The following ANAPC7 variants were observed in gnomAD, a reference collection of about 807,000 sequenced individuals.
ANAPC7 encodes anaphase-promoting complex subunit 7.
Under a neutral mutation model 63.3 loss-of-function variants are expected in ANAPC7, and 25 were observed. The observed-to-expected ratio is 0.39, with a 90% CI of 0.29 to 0.55. ANAPC7 has a LOEUF of 0.55. Ranked by LOEUF, ANAPC7 falls within the 20% of genes least tolerant of loss-of-function variation. The pLI is 0.57. For synonymous variants in ANAPC7, 241 were observed against 251.7 expected (o/e 0.96, Z 0.40); for missense variants, 516 against 691.7 (o/e 0.75, Z 2.85).
chr12:110,392,898 C>A (rs906178665), intron 3 of ANAPC7, among the ~76,000 whole-genome samples: 3 of 152,102 alleles, frequency 2.0e-5, no homozygotes, highest in Admixed American at 6.6e-5. Flanking sequence ...TGGGTTCAAG[C>A]GATTCTCCTG....
At chr12:110,382,461 A>AAAAAT (rs1555289541) in intron 7 of ANAPC7, among the ~76,000 whole-genome samples, 10 of 30,842 alleles carry the variant, frequency 3.2e-4, no homozygotes, top group South Asian at 1.7e-3. Flanking sequence ...AAAAAAAAAA[A>AAAAAT]ATATATATAT....
rs1881013206 is a variant in ANAPC7 at position 110,373,769 on chromosome 12, T to C, written c.*375A>G. The C allele has an allele frequency of 5.7e-6, 1 of 175,596 alleles. No homozygotes were observed. Among genetic ancestry groups the C allele is most frequent in the Non-Finnish European group, 1.2e-5 (1 of 84,330 alleles). 10.9% of individuals were successfully genotyped at this position (175,596 alleles called of 1,614,324 possible). ...TCCAACTTGGGAGATGACATTATCG[T>C]GCTGGGATGGTGGGTAACTCCTTCA... On this transcript the variant is annotated 3_prime_UTR_variant, in exon 11 of 11. Transcript: ENST00000455511.
chr12:110,386,497 C>A (rs763034314), intron 5 of ANAPC7, 28 bp from the exon 6 acceptor site: 10 of 1,574,138 alleles, frequency 6.4e-6, no homozygotes, highest in Non-Finnish European at 8.7e-6. Flanking sequence ...AACATTGAAC[C>A]TTTAAATCTA....
At chr12:110,382,453 A>ATATATATATACATATATAT (rs1484650106) in intron 7 of ANAPC7, among the ~76,000 whole-genome samples, 1 of 71,866 alleles carries the variant, frequency 1.4e-5, no homozygotes, top group African/African-American at 5.5e-5. Context: ...AAAAAAAAAA[A>ATATATATATACATATATAT]AAAAAAAAAT....
intron 10 of ANAPC7, chr12:110,375,717 T>A: frequency 1.0e-6 from 1 of 968,348 alleles, no homozygotes; most frequent in Non-Finnish European, 1.2e-6. Flanking sequence ...GGAAAGTACT[T>A]ACAATACTTT....
intron 3 of ANAPC7, among the ~76,000 whole-genome samples, chr12:110,392,092 C>CAAAAAAAA (rs1283316509): frequency 6.7e-5 from 1 of 14,846 alleles, no homozygotes. Context: ...CTCCACCTCA[C>CAAAAAAAA]AAAAAAAAAA....
chr12:110,380,455 A>C (rs1451635755), intron 8 of ANAPC7, among the ~76,000 whole-genome samples: 1 of 151,910 alleles, frequency 6.6e-6, no homozygotes, highest in Non-Finnish European at 1.5e-5. Context: ...GTTCGAGACC[A>C]GCCTGGCCAA....
intron 9 of ANAPC7, among the ~76,000 whole-genome samples, chr12:110,377,144 A>G (rs1249039655): frequency 6.6e-6 from 1 of 151,114 alleles, no homozygotes; most frequent in Non-Finnish European, 1.5e-5. Flanking sequence ...CTCAAAAAAA[A>G]AAAAAAAAAA....
At chr12:110,387,243 GAGACAGAGAGAC>G (rs1882551425) in intron 5 of ANAPC7, 7 of 125,896 alleles carry the variant, frequency 5.6e-5, no homozygotes, top group African/African-American at 1.9e-4. Flanking sequence ...GAGAGACAGA[GAGACAGAGAGAC>G]AGAGAGAGAG....
chr12:110,391,476 A>G (rs1032451319), intron 3 of ANAPC7, among the ~76,000 whole-genome samples: 12 of 152,206 alleles, frequency 7.9e-5, no homozygotes, highest in African/African-American at 2.7e-4. Flanking sequence ...TGTCCTTTAC[A>G]TAGACTGAGA....
At chr12:110,400,588 A>T (rs187611048) in intron 1 of ANAPC7, among the ~76,000 whole-genome samples, 2 of 151,976 alleles carry the variant, frequency 1.3e-5, no homozygotes, top group South Asian at 2.1e-4. Context: ...AACTAAGAGT[A>T]ACTAGGGCCT....
At chr12:110,382,451 A>ATATAT (rs1470435018) in intron 7 of ANAPC7, among the ~76,000 whole-genome samples, 17 of 69,564 alleles carry the variant, frequency 2.4e-4, no homozygotes, top group Non-Finnish European at 3.3e-4. Context: ...TAAAAAAAAA[A>ATATAT]AAAAAAAAAA....
At chr12:110,382,452 AAAAAAAAAAATATATATATATAT>A (rs1414037140) in intron 7 of ANAPC7, among the ~76,000 whole-genome samples, 42 of 97,960 alleles carry the variant, frequency 4.3e-4, no homozygotes, top group Non-Finnish European at 6.3e-4. Flanking sequence ...AAAAAAAAAA[AAAAAAAAAAATATATATATATAT>A]ATATATATAT....
At chr12:110,387,492 G>C (rs1882721338) in intron 5 of ANAPC7, 1 of 260,746 alleles carries the variant, frequency 3.8e-6, no homozygotes, top group Non-Finnish European at 7.1e-6. Flanking sequence ...GCTTTGCTTT[G>C]CAAGGGTTAC....
At chr12:110,375,967 G>T in intron 10 of ANAPC7, 99 bp downstream of exon 10, 1 of 1,413,478 alleles carries the variant, frequency 7.1e-7, no homozygotes, top group South Asian at 1.9e-5. Flanking sequence ...TTCAACCATG[G>T]ACACAAAGTG....
intron 1 of ANAPC7, among the ~76,000 whole-genome samples, chr12:110,399,244 A>G (rs1400515065): frequency 6.6e-6 from 1 of 151,208 alleles, no homozygotes; most frequent in Non-Finnish European, 1.5e-5. Flanking sequence ...CTGGTCTCAA[A>G]CTCCTGACCT....
chr12:110,396,344 T>C lies in ANAPC7; in HGVS notation c.210A>G (p.Leu70=). 4 of 1,614,082 alleles carry C rather than the reference T, an allele frequency of 2.5e-6. No individual in the cohort carries two copies. In the South Asian group the frequency reaches 4.4e-5, roughly 18 times the overall value. Residue 70 remains leucine, a synonymous_variant, in exon 2 of 11, where the codon TTA becomes TTG. Transcript: ENST00000455511. ...RNAVSKYTMA[L]QQKKALSKTS... ...TTTTACTTAGCGCTTTCTTCTGCTG[T>C]AAAGCCATGGTATACTTACTCACAG... is the stretch of plus-strand genomic sequence containing the variant.
In ANAPC7 at chr12:110,381,965, A is replaced by AG; in HGVS notation, c.936-18_936-17insC. ...CTGTGACAGCTGGAGAAAAAAAAAA[A>AG]AAAAAAAACACAAAAACCCCAGAAG... On this transcript the variant is annotated splice_polypyrimidine_tract_variant and intron_variant, in intron 7 of 10. Transcript: ENST00000455511. 6.6e-7 allele frequency: 1 copy of AG among 1,517,574 alleles called. No individual in the cohort carries two copies. Among genetic ancestry groups the AG allele is most frequent in the East Asian group, 2.4e-5 (1 of 41,860 alleles). The allele number at this position is 1,517,574 out of a possible 1,614,324, so 94.0% of individuals were successfully genotyped here. A position where few individuals can be genotyped will look rare whatever the true frequency, so the allele number is the denominator to read the frequency against.
chr12:110,381,084 A>G (rs1020462913), intron 8 of ANAPC7, among the ~76,000 whole-genome samples: 1 of 151,824 alleles, frequency 6.6e-6, no homozygotes, highest in Non-Finnish European at 1.5e-5. Flanking sequence ...CATCCCAACT[A>G]TACCCTCACC....
Sources: gnomAD v4.1 joint callset for allele counts (sites outside exome capture counted in the v4.1 genomes callset) on GRCh38, gnomAD v4.1.1 for gene constraint, MANE v1.5 for transcripts, NCBI Gene and HGNC (gene_info 2026-07-23, HGNC 2026-07-21) for gene names.